The following DRC11 variants were observed in gnomAD, a reference collection of about 807,000 sequenced individuals.
DRC11 encodes the protein IQ and AAA domain-containing protein 1.
At chr2:236,336,616 A>G in the DRC11 span, among the ~76,000 whole-genome samples, 2 of 151,708 alleles carry the variant, frequency 1.3e-5, no homozygotes, top group African/African-American at 4.8e-5. This position sits in a 1 kb window ranked among gnomAD's most constrained non-coding sequence, Gnocchi z 7.3. Context: ...CAGTCACCCT[A>G]TCTCCCGCCT....
the DRC11 span, among the ~76,000 whole-genome samples, chr2:236,388,065 C>A: frequency 2.0e-5 from 3 of 152,108 alleles, no homozygotes; most frequent in African/African-American, 7.2e-5. Flanking sequence ...TTGAGGGTAA[C>A]CCGACCTTTC....
At chr2:236,477,281 A>G in the DRC11 span, among the ~76,000 whole-genome samples, 2 of 152,244 alleles carry the variant, frequency 1.3e-5, no homozygotes, top group Non-Finnish European at 2.9e-5. Flanking sequence ...ATTAACACAT[A>G]TTTTATATAT....
chr2:236,465,525 C>T, the DRC11 span: 1 of 1,613,910 alleles, frequency 6.2e-7, no homozygotes, highest in Non-Finnish European at 8.5e-7. The surrounding 1 kb of genome is among the most constrained non-coding windows in gnomAD (Gnocchi z 6.2). Flanking sequence ...TGAACCAATG[C>T]CGGATCTGGT....
chr2:236,352,344 G>A, the DRC11 span, among the ~76,000 whole-genome samples: 14 of 152,148 alleles, frequency 9.2e-5, no homozygotes, highest in Non-Finnish European at 1.9e-4. The surrounding 1 kb of genome is among the most constrained non-coding windows in gnomAD (Gnocchi z 7.0). Flanking sequence ...GCCTGGGGAG[G>A]ACGTGGCGCA....
the DRC11 span, among the ~76,000 whole-genome samples, chr2:236,464,609 C>G: frequency 2.0e-5 from 3 of 152,230 alleles, no homozygotes; most frequent in African/African-American, 7.2e-5. Flanking sequence ...TATGAATACG[C>G]CTGGAGCCTT....
At chr2:236,474,836 T>G in the DRC11 span, among the ~76,000 whole-genome samples, 1 of 152,130 alleles carries the variant, frequency 6.6e-6, no homozygotes, top group Non-Finnish European at 1.5e-5. Context: ...TACTATTTAT[T>G]TTTAAAAATG....
chr2:236,354,594 C>T, the DRC11 span, among the ~76,000 whole-genome samples: 1 of 152,148 alleles, frequency 6.6e-6, no homozygotes, highest in Non-Finnish European at 1.5e-5. Flanking sequence ...CCATTCTCAA[C>T]TTCCCAAGGT....
the DRC11 span, chr2:236,413,004 A>G: frequency 6.6e-6 from 1 of 152,188 alleles, no homozygotes; most frequent in Non-Finnish European, 1.5e-5. The surrounding 1 kb of genome is among the most constrained non-coding windows in gnomAD (Gnocchi z 4.0). Flanking sequence ...AGATGTGGGC[A>G]GACTTGGGCT....
the DRC11 span, chr2:236,344,597 T>A: frequency 6.2e-7 from 1 of 1,613,818 alleles, no homozygotes; most frequent in Non-Finnish European, 8.5e-7. Flanking sequence ...GAAGGTTTTT[T>A]CTGTGTCTTC....
At chr2:236,482,478 A>T in the DRC11 span, among the ~76,000 whole-genome samples, 1 of 152,228 alleles carries the variant, frequency 6.6e-6, no homozygotes, top group African/African-American at 2.4e-5. This position sits in a 1 kb window ranked among gnomAD's most constrained non-coding sequence, Gnocchi z 4.5. Context: ...GCTTTCAGAA[A>T]GGCTGAGTCC....
chr2:236,471,305 G>C, the DRC11 span, among the ~76,000 whole-genome samples: 2 of 151,748 alleles, frequency 1.3e-5, no homozygotes, highest in African/African-American at 4.8e-5. This position sits in a 1 kb window ranked among gnomAD's most constrained non-coding sequence, Gnocchi z 4.6. Context: ...AAACACTTTT[G>C]GGTACTATAG....
At chr2:236,408,025 T>C in the DRC11 span, 6 of 565,174 alleles carry the variant, frequency 1.1e-5, no homozygotes, top group Admixed American at 1.9e-5. The surrounding 1 kb of genome is among the most constrained non-coding windows in gnomAD (Gnocchi z 5.5). Flanking sequence ...CAGCAAAGAC[T>C]TGTGGAGGGT....
the DRC11 span, among the ~76,000 whole-genome samples, chr2:236,402,245 G>A: frequency 6.6e-6 from 1 of 152,204 alleles, no homozygotes; most frequent in African/African-American, 2.4e-5. The surrounding 1 kb of genome is among the most constrained non-coding windows in gnomAD (Gnocchi z 6.0). Flanking sequence ...TGGCTCAAGT[G>A]TCCCCAGGGG....
chr2:236,430,573 T>C, the DRC11 span, among the ~76,000 whole-genome samples: 972 of 152,336 alleles, frequency 6.4e-3, 10 homozygotes, highest in African/African-American at 0.023. This position sits in a 1 kb window ranked among gnomAD's most constrained non-coding sequence, Gnocchi z 6.0. Flanking sequence ...GCCATTCCCC[T>C]ACCAAATAAG....
chr2:236,357,353 GTATA>G, the DRC11 span, among the ~76,000 whole-genome samples: 69 of 116,790 alleles, frequency 5.9e-4, no homozygotes, highest in African/African-American at 2.3e-3. Flanking sequence ...TATATTATAT[GTATA>G]TATATTATAA....
the DRC11 span, among the ~76,000 whole-genome samples, chr2:236,403,498 G>T: frequency 6.6e-6 from 1 of 151,848 alleles, no homozygotes; most frequent in South Asian, 2.1e-4. Flanking sequence ...CATCACTCTG[G>T]CTGGAACTGG....
At chr2:236,309,292 A>G in the DRC11 span, among the ~76,000 whole-genome samples, 1 of 152,196 alleles carries the variant, frequency 6.6e-6, no homozygotes, top group Non-Finnish European at 1.5e-5. This position sits in a 1 kb window ranked among gnomAD's most constrained non-coding sequence, Gnocchi z 5.7. Flanking sequence ...GCCTTGCACA[A>G]AATCGGCCCA....
chr2:236,350,433 T>C, the DRC11 span, among the ~76,000 whole-genome samples: 1 of 152,218 alleles, frequency 6.6e-6, no homozygotes. The surrounding 1 kb of genome is among the most constrained non-coding windows in gnomAD (Gnocchi z 5.2). Context: ...AAGAGTGTTC[T>C]CAGATGAGGA....
the DRC11 span, among the ~76,000 whole-genome samples, chr2:236,314,290 T>C: frequency 6.6e-6 from 1 of 152,220 alleles, no homozygotes; most frequent in East Asian, 1.9e-4. The surrounding 1 kb of genome is among the most constrained non-coding windows in gnomAD (Gnocchi z 4.5). Context: ...GAGTATTTGC[T>C]ACAAGTCCAC....
Sources: allele counts gnomAD v4.1 joint callset (sites outside exome capture counted in the v4.1 genomes callset), GRCh38; gene constraint gnomAD v4.1.1; non-coding constraint Gnocchi (gnomAD v3.1); transcripts MANE v1.5; gene names NCBI Gene and HGNC (gene_info 2026-07-23, HGNC 2026-07-21).